Variants in AIG1 observed in about 807,000 individuals in gnomAD.
AIG1 encodes androgen-induced gene 1 protein.
Under a neutral mutation model 31.4 loss-of-function variants are expected in AIG1, and 23 were observed. The ratio of observed to expected loss-of-function variants is 0.73; its 90% CI spans 0.53 to 1.04. The LOEUF is 1.04. Among genes scored for constraint, AIG1 ranks in the 50% least tolerant of loss-of-function variants. AIG1 has a pLI of 0.00. For missense variants in AIG1, 274 were observed against 295.0 expected, an observed-to-expected ratio of 0.93 and a Z score of 0.52; for synonymous variants, 100 against 110.5, an observed-to-expected ratio of 0.90 and a Z score of 0.60.
Position 143,259,098 on chromosome 6 carries a change from A to G in AIG1, c.400-25012A>G, listed in dbSNP as rs186613378. On this transcript the variant is annotated intron_variant, in intron 3 of 5. Transcript: ENST00000357847. ...CTCTCTTCATGTGATCTCTTTGCAC[A>G]CATCCACTTCCACTTCTGCTTTCTG... is the stretch of plus-strand genomic sequence containing the variant. Among the ~76,000 whole-genome samples, 508 of 152,296 alleles carry G rather than the reference A, an allele frequency of 3.3e-3. 6 individuals carry two copies. The highest frequency in any genetic ancestry group is 5.5e-3 in the Non-Finnish European group (376 of 68,026).
At chr6:143,089,200 C>T (rs957086968) in intron 1 of AIG1, among the ~76,000 whole-genome samples, 15 of 141,742 alleles carry the variant, frequency 1.1e-4, no homozygotes, top group Non-Finnish European at 1.8e-4. Context: ...CAGAGTGAGA[C>T]TATGTCTCAA....
intron 4 of AIG1, among the ~76,000 whole-genome samples, chr6:143,315,204 G>A (rs1352106482): frequency 3.3e-5 from 5 of 151,976 alleles, no homozygotes; most frequent in Non-Finnish European, 5.9e-5. Context: ...AAAGTATATC[G>A]GGGTAAATGC....
chr6:143,273,085 T>C (rs141277290), intron 3 of AIG1, among the ~76,000 whole-genome samples: 3,281 of 152,250 alleles, frequency 0.022, 134 homozygotes, highest in African/African-American at 0.075. Flanking sequence ...GCTGAGATCA[T>C]GCCATTGCAC....
rs1004160015 is a variant in AIG1, at chr6:143,159,114, T to C, written c.298-5968T>C. Among the ~76,000 whole-genome samples the C allele has an allele frequency of 8.5e-5, 13 of 152,166 alleles. No homozygotes were observed. The South Asian group carries it at 2.7e-3, about 32-fold the overall frequency. ...ATGTGGAGGTGCTATTTAAGCTAGA[T>C]GTGAAAGAACAGAGAATCCAGCCAT... is the stretch of plus-strand genomic sequence containing the variant. On this transcript the variant is annotated intron_variant, in intron 2 of 5. Transcript: ENST00000357847.
intron 3 of AIG1, among the ~76,000 whole-genome samples, chr6:143,167,580 T>C (rs1490654212): frequency 2.0e-5 from 3 of 152,200 alleles, no homozygotes; most frequent in African/African-American, 7.2e-5. Context: ...GTTCTAAATT[T>C]TTAATGTTTT....
At chr6:143,122,751 A>G (rs149253628) in intron 1 of AIG1, among the ~76,000 whole-genome samples, 3 of 152,102 alleles carry the variant, frequency 2.0e-5, no homozygotes, top group Non-Finnish European at 4.4e-5. Context: ...TACCATGGCC[A>G]CCCCTGGATT....
chr6:143,132,658 T>G (rs527945065), intron 1 of AIG1, among the ~76,000 whole-genome samples: 17 of 152,140 alleles, frequency 1.1e-4, no homozygotes, highest in African/African-American at 3.6e-4. Flanking sequence ...GTTTTTTTTT[T>G]TCTACCTGAC....
chr6:143,105,870 A>G (rs1780758171), intron 1 of AIG1, among the ~76,000 whole-genome samples: 1 of 152,164 alleles, frequency 6.6e-6, no homozygotes, highest in Non-Finnish European at 1.5e-5. Flanking sequence ...TTGGAAATGG[A>G]TGGTAGGAAT....
chr6:143,248,822 A>C (rs1236221380), intron 3 of AIG1, among the ~76,000 whole-genome samples: 1 of 152,236 alleles, frequency 6.6e-6, no homozygotes, highest in African/African-American at 2.4e-5. Flanking sequence ...AAAGTCCCAC[A>C]GGAGATCCTG....
intron 1 of AIG1, among the ~76,000 whole-genome samples, chr6:143,061,901 G>A (rs910198701): frequency 2.0e-5 from 3 of 152,202 alleles, no homozygotes; most frequent in African/African-American, 7.2e-5. Context: ...CTCATGGATG[G>A]ACCTAGGAAT....
chr6:143,211,878 G>A (rs1033239889), intron 3 of AIG1, among the ~76,000 whole-genome samples: 6 of 151,426 alleles, frequency 4.0e-5, no homozygotes, highest in South Asian at 2.1e-4. Flanking sequence ...GGGCAACAGA[G>A]CGAGACCCTG....
At chr6:143,150,310 T>C (rs1298138348) in intron 2 of AIG1, among the ~76,000 whole-genome samples, 1 of 152,202 alleles carries the variant, frequency 6.6e-6, no homozygotes, top group Non-Finnish European at 1.5e-5. Context: ...AGAGCAACTT[T>C]CTTATGCCTT....
chr6:143,172,336 A>G (rs9376727), intron 3 of AIG1, among the ~76,000 whole-genome samples: 3,240 of 152,140 alleles, frequency 0.021, 92 homozygotes, highest in African/African-American at 0.063. Flanking sequence ...GTAATTATTT[A>G]TTTTTAATTC....
chr6:143,261,652 T>A (rs928189936), intron 3 of AIG1, among the ~76,000 whole-genome samples: 2 of 152,144 alleles, frequency 1.3e-5, no homozygotes, highest in African/African-American at 4.8e-5. Flanking sequence ...AATGTTTGAG[T>A]CTAAAGCTTT....
chr6:143,082,038 C>T lies in AIG1; in HGVS notation c.141+20972C>T, dbSNP rs964495161. On this transcript the variant is annotated intron_variant, in intron 1 of 5. Coordinates refer to ENST00000357847, the MANE Select transcript of AIG1 (RefSeq NM_016108.4). ...TTTCTGTACAGCCAATAATAATGTC[C>T]TAATGGTTTCCTGATGTTTGATACG... Among the ~76,000 whole-genome samples, 3 of 152,108 alleles carry T rather than the reference C, an allele frequency of 2.0e-5. No homozygotes were observed. The East Asian group carries it at 5.8e-4, about 29-fold the overall frequency.
intron 3 of AIG1, among the ~76,000 whole-genome samples, chr6:143,171,432 A>ATATATATAATATATAT (rs1787530772): frequency 3.4e-5 from 3 of 89,162 alleles, no homozygotes; most frequent in East Asian, 1.6e-3. Flanking sequence ...AATATATATA[A>ATATATATAATATATAT]TATATATATA....
At chr6:143,222,534 T>C (rs1475018814) in intron 3 of AIG1, among the ~76,000 whole-genome samples, 1 of 152,216 alleles carries the variant, frequency 6.6e-6, no homozygotes. Context: ...TCTGGTTTTC[T>C]AGCAAATGAC....
At chr6:143,156,392 C>A (rs75937658) in intron 2 of AIG1, among the ~76,000 whole-genome samples, 6,441 of 152,092 alleles carry the variant, frequency 0.042, 447 homozygotes, top group African/African-American at 0.15. Context: ...ATAGTATGAC[C>A]TAATTTCATA....
chr6:143,130,425 G>T (rs1783108764), intron 1 of AIG1, among the ~76,000 whole-genome samples: 1 of 151,752 alleles, frequency 6.6e-6, no homozygotes. Flanking sequence ...TTAATAAAAA[G>T]AACTTTTGGG....
Sources: gnomAD v4.1 joint callset for allele counts (sites outside exome capture counted in the v4.1 genomes callset) on GRCh38, gnomAD v4.1.1 for gene constraint, MANE v1.5 for transcripts, NCBI Gene and HGNC (gene_info 2026-07-23, HGNC 2026-07-21) for gene names.